ZFP3: variants seen among roughly 807,000 people sequenced by gnomAD.
ZFP3 encodes the protein ZFP3 zinc finger protein.
In ZFP3, 18 loss-of-function variants were observed where a neutral mutation model predicts 36.7. That is an observed-to-expected ratio of 0.49 (90% CI 0.34 to 0.73). The LOEUF is 0.73. Among genes scored for constraint, ZFP3 ranks in the 30% least tolerant of loss-of-function variants. The pLI, the probability that ZFP3 is intolerant of heterozygous loss-of-function variation, is 0.01. For synonymous variants in ZFP3, 218 were observed against 199.0 expected (o/e 1.10, Z -0.81); for missense variants, 495 against 599.0 (o/e 0.83, Z 1.81).
chr17:5,084,850 T>A (rs1440502782), intron 1 of ZFP3, among the ~76,000 whole-genome samples: 1 of 152,176 alleles, frequency 6.6e-6, no homozygotes, highest in African/African-American at 2.4e-5. Context: ...CTATGAGAAG[T>A]GGTGTTTCCA....
At chr17:5,091,120 C>T (rs2072147479) in intron 1 of ZFP3, among the ~76,000 whole-genome samples, 1 of 152,084 alleles carries the variant, frequency 6.6e-6, no homozygotes, top group Non-Finnish European at 1.5e-5. Context: ...CCATCCATTT[C>T]CTACTTCTCT....
At chr17:5,083,475 T>C (rs1294602165) in intron 1 of ZFP3, among the ~76,000 whole-genome samples, 1 of 151,138 alleles carries the variant, frequency 6.6e-6, no homozygotes, top group Non-Finnish European at 1.5e-5. Context: ...GAGAATTGCT[T>C]GAACCCGGAA....
intron 1 of ZFP3, 30 bp from the exon 2 acceptor site, chr17:5,091,467 C>A (rs1414715947): frequency 1.3e-6 from 2 of 1,589,012 alleles, no homozygotes; most frequent in African/African-American, 1.3e-5. Context: ...ATGATACGGT[C>A]CCTTCACATA....
rs144137646 is a variant in ZFP3, at chr17:5,092,984, C to T, written c.1480C>T (p.Arg494Ter). Residue 494 changes from arginine (R) to a stop codon, truncating the protein, a stop_gained, in exon 2 of 2, where the codon CGA becomes TGA. Transcript: ENST00000318833. LOFTEE classifies it high-confidence loss of function. This position sits in a 1 kb window ranked among gnomAD's most constrained non-coding sequence, Gnocchi z 5.0. Reference sequence around the variant, plus strand: ...TTTTAGTCGGAGCTCTCACCTCCTCCGACATCAAAGTGTTCACTGTATGGA... The same window carrying T: ...TTTTAGTCGGAGCTCTCACCTCCTCTGACATCAAAGTGTTCACTGTATGGA... ...KTFSRSSHLLRHQSVHCME is the reference protein window; with the variant it reads ...KTFSRSSHLL The T allele has an allele frequency of 1.7e-5, 27 of 1,607,016 alleles. No homozygotes were observed. Among genetic ancestry groups the T allele is most frequent in the African/African-American group, 5.4e-5 (4 of 74,512 alleles).
chr17:5,090,307 A>G (rs891649248), intron 1 of ZFP3, among the ~76,000 whole-genome samples: 1 of 152,248 alleles, frequency 6.6e-6, no homozygotes, highest in African/African-American at 2.4e-5. Context: ...GAAGACAAGG[A>G]TCAGTGGAAC....
intron 1 of ZFP3, among the ~76,000 whole-genome samples, chr17:5,087,940 AAAG>A (rs1394958314): frequency 6.6e-6 from 1 of 152,180 alleles, no homozygotes; most frequent in Non-Finnish European, 1.5e-5. Flanking sequence ...AGAAAGGTGG[AAAG>A]AAGATCTAGA....
chr17:5,088,902 C>G (rs915863330), intron 1 of ZFP3, among the ~76,000 whole-genome samples: 1 of 152,180 alleles, frequency 6.6e-6, no homozygotes, highest in Non-Finnish European at 1.5e-5. Context: ...ATTCCCATGC[C>G]CCCTTGAGAA....
intron 1 of ZFP3, among the ~76,000 whole-genome samples, chr17:5,083,586 C>G (rs1470458034): frequency 2.0e-5 from 3 of 151,842 alleles, no homozygotes; most frequent in Admixed American, 6.6e-5. Flanking sequence ...GTTTTCAAAC[C>G]TGGCTGGGCA....
At position 5,091,781 on chromosome 17, in the gene ZFP3, A is replaced by G. The variant is rs140911391; in HGVS notation, c.277A>G (p.Arg93Gly). 3 of 1,614,110 alleles carry G rather than the reference A, an allele frequency of 1.9e-6. No individual in the cohort carries two copies. The highest frequency in any genetic ancestry group is 2.5e-6 in the Non-Finnish European group (3 of 1,180,046). The change falls in exon 2 of 2, where the codon AGA becomes GGA. Residue 93 changes from arginine to glycine, a missense_variant. By Grantham distance (125) the Arg-to-Gly change is moderately radical. Around this residue, in one of 3 missense-constraint regions of ZFP3, gnomAD observed 229 missense variants for 233.8 expected, o/e 0.98. Coordinates refer to ENST00000318833, the MANE Select transcript of ZFP3 (RefSeq NM_153018.3). Reference sequence around the variant, plus strand: ...AGACCGGGAGAATAATGAGAGTGAGAGAGGCTGCAGTCCCAGCCCAAATCT... The same window carrying G: ...AGACCGGGAGAATAATGAGAGTGAGGGAGGCTGCAGTCCCAGCCCAAATCT... ...EKDRENNESE[R>G]GCSPSPNLVT...
At chr17:5,079,345 G>C (rs2072081642) in intron 1 of ZFP3, among the ~76,000 whole-genome samples, 1 of 151,880 alleles carries the variant, frequency 6.6e-6, no homozygotes, top group Non-Finnish European at 1.5e-5. Flanking sequence ...AACATAGTGA[G>C]ACACCATCTG....
intron 1 of ZFP3, among the ~76,000 whole-genome samples, chr17:5,085,876 G>A (rs1237708673): frequency 6.6e-6 from 1 of 152,244 alleles, no homozygotes; most frequent in Non-Finnish European, 1.5e-5. Flanking sequence ...AAAGGCCAGA[G>A]AGGGGGTTGG....
rs2072174311 is a variant in ZFP3, at chr17:5,095,225, G to C, written c.*2212G>C. On this transcript the variant is annotated 3_prime_UTR_variant, in exon 2 of 2. Coordinates refer to ENST00000318833, the MANE Select transcript of ZFP3 (RefSeq NM_153018.3). Reference sequence around the variant, plus strand: ...CTTCCCAGGTTTATATCCTTGGCTTGAGAAAAGGGTTGTACAAATAGATGA... The same window carrying C: ...CTTCCCAGGTTTATATCCTTGGCTTCAGAAAAGGGTTGTACAAATAGATGA... 6.0e-6 allele frequency: 1 copy of C among 167,068 alleles called. No homozygotes were observed. Among genetic ancestry groups the C allele is most frequent in the Non-Finnish European group, 1.5e-5 (1 of 68,122 alleles). 10.3% of individuals were successfully genotyped at this position (167,068 alleles called of 1,614,324 possible).
At chr17:5,087,982 G>T (rs1414893625) in intron 1 of ZFP3, among the ~76,000 whole-genome samples, 1 of 152,148 alleles carries the variant, frequency 6.6e-6, no homozygotes, top group Non-Finnish European at 1.5e-5. Flanking sequence ...TGGAGCACTC[G>T]TGACTGTTTC....
rs1278547684 is a variant in ZFP3 at position 5,092,621 on chromosome 17, G to T, written c.1117G>T (p.Ala373Ser). The change falls in exon 2 of 2, where the codon GCC becomes TCC. Residue 373 changes from alanine (A) to serine (S), a missense_variant. Ala to Ser is a moderately conservative substitution (Grantham distance 99). Around this residue, in one of 3 missense-constraint regions of ZFP3, gnomAD observed 163 missense variants for 178.4 expected, o/e 0.91. Transcript: ENST00000318833. The surrounding 1 kb of genome is among the most constrained non-coding windows in gnomAD (Gnocchi z 5.0). ...CTATGTATGTAAGGAATGTGGGAAG[G>T]CCTTCAGGGGGAACTCAGAACTTCT... ...KPYVCKECGK[A>S]FRGNSELLRH... is the part of the protein sequence containing the mutation. The T allele has an allele frequency of 3.1e-6, 5 of 1,613,964 alleles. No individual in the cohort carries two copies. The Admixed American group carries it at 8.3e-5, about 27-fold the overall frequency.
intron 1 of ZFP3, among the ~76,000 whole-genome samples, chr17:5,080,786 C>A (rs144377794): frequency 6.6e-6 from 1 of 152,188 alleles, no homozygotes; most frequent in African/African-American, 2.4e-5. Context: ...TCCTGACTAA[C>A]CTCCCTAGGC....
chr17:5,091,955 A>C lies in ZFP3; in HGVS notation c.451A>C (p.Asn151His), dbSNP rs756821789. 1.2e-5 allele frequency: 19 copies of C among 1,614,184 alleles called. No individual in the cohort carries two copies. In the South Asian group the frequency reaches 2.0e-4, roughly 17 times the overall value. The change falls in exon 2 of 2, where the codon AAT becomes CAT. Residue 151 changes from asparagine (N) to histidine (H), a missense_variant. By Grantham distance (68) the Asn-to-His change is moderately conservative. Around this residue, in one of 3 missense-constraint regions of ZFP3, gnomAD observed 229 missense variants for 233.8 expected, o/e 0.98. Coordinates refer to ENST00000318833, the MANE Select transcript of ZFP3 (RefSeq NM_153018.3). Reference sequence around the variant, plus strand: ...ATGTAAAGAATGTGGGAAAGCCTTTAATCAGAACTCACATCTCATCCAGCA... The same window carrying C: ...ATGTAAAGAATGTGGGAAAGCCTTTCATCAGAACTCACATCTCATCCAGCA... ...HTCKECGKAF[N>H]QNSHLIQHMR...
At position 5,092,873 on chromosome 17, in the gene ZFP3, A is replaced by G; in HGVS notation, c.1369A>G (p.Thr457Ala). 1 of 1,614,030 alleles carries G rather than the reference A, an allele frequency of 6.2e-7. No individual in the cohort carries two copies. Among genetic ancestry groups the G allele is most frequent in the Non-Finnish European group, 8.5e-7 (1 of 1,179,980 alleles). ...KPYECSECEKTFSQHSQLIIH... is the reference protein window; with the variant it reads ...KPYECSECEKAFSQHSQLIIH... ...TTATGAATGTAGCGAGTGTGAGAAA[A>G]CATTTAGCCAGCATTCCCAACTTAT... The change falls in exon 2 of 2, where the codon ACA becomes GCA. Residue 457 changes from threonine to alanine, a missense_variant. By Grantham distance (58) the Thr-to-Ala change is moderately conservative. Around this residue, in one of 3 missense-constraint regions of ZFP3, gnomAD observed 163 missense variants for 178.4 expected, o/e 0.91. Transcript: ENST00000318833. The surrounding 1 kb of genome is among the most constrained non-coding windows in gnomAD (Gnocchi z 5.0).
chr17:5,082,637 C>G (rs1169681394), intron 1 of ZFP3, among the ~76,000 whole-genome samples: 1 of 152,110 alleles, frequency 6.6e-6, no homozygotes, highest in Non-Finnish European at 1.5e-5. Flanking sequence ...AGGTGATCCT[C>G]CCACCTCAGC....
rs746489026 is a variant in ZFP3, at chr17:5,092,990, C to A, written c.1486C>A (p.Gln496Lys). ...TCGGAGCTCTCACCTCCTCCGACATCAAAGTGTTCACTGTATGGAGTAATC... is the reference window on the plus strand; with the variant it reads ...TCGGAGCTCTCACCTCCTCCGACATAAAAGTGTTCACTGTATGGAGTAATC... ...FSRSSHLLRH[Q>K]SVHCME is the part of the protein sequence containing the mutation. The change falls in exon 2 of 2, where the codon CAA (glutamine) becomes AAA (lysine). Residue 496 changes from glutamine to lysine, a missense_variant. By Grantham distance (53) the Gln-to-Lys change is moderately conservative. Transcript: ENST00000318833. This position sits in a 1 kb window ranked among gnomAD's most constrained non-coding sequence, Gnocchi z 5.0. 1.9e-6 allele frequency: 3 copies of A among 1,605,044 alleles called. No individual in the cohort carries two copies. Among genetic ancestry groups the A allele is most frequent in the Non-Finnish European group, 2.6e-6 (3 of 1,175,964 alleles).
Sources: allele counts gnomAD v4.1 joint callset (sites outside exome capture counted in the v4.1 genomes callset), GRCh38; gene constraint gnomAD v4.1.1; regional missense constraint gnomAD v4.1.1; non-coding constraint Gnocchi (gnomAD v3.1); transcripts MANE v1.5; gene names NCBI Gene and HGNC (gene_info 2026-07-23, HGNC 2026-07-21).